ETV7: variants seen among roughly 807,000 people sequenced by gnomAD.
The protein encoded by ETV7 is transcription factor ETV7.
Under a neutral mutation model 39.1 loss-of-function variants are expected in ETV7, and 43 were observed. The observed-to-expected ratio is 1.10, with a 90% confidence interval of 0.86 to 1.42. The LOEUF (loss-of-function observed/expected upper bound fraction) is 1.42, where lower values mean the gene tolerates loss of function less well. ETV7 is among the 40% of genes most tolerant of loss of function. ETV7 has a pLI of 0.00. For missense variants in ETV7, 432 were observed against 442.3 expected (o/e 0.98, Z 0.21); for synonymous variants, 196 against 176.6 (o/e 1.11, Z -0.87).
chr6:36,365,877 C>T (rs1404565867), downstream of ETV7, among the ~76,000 whole-genome samples: 1 of 152,188 alleles, frequency 6.6e-6, no homozygotes, highest in Non-Finnish European at 1.5e-5. Context: ...ATAGCAAACA[C>T]TTAAGAAACA....
chr6:36,366,380 G>A lies in ETV7; in HGVS notation c.*265C>T. ...GGGGCTGGGTGCTCTATCGGTGCCTGGCTTCCTCTCCCAGGGGTGCAGTAG... is the reference window on the plus strand; with the variant it reads ...GGGGCTGGGTGCTCTATCGGTGCCTAGCTTCCTCTCCCAGGGGTGCAGTAG... On this transcript the variant is annotated 3_prime_UTR_variant, in exon 8 of 8. Coordinates refer to ENST00000340181, the MANE Select transcript of ETV7 (RefSeq NM_016135.4). 1 of 1,286,548 alleles carries A rather than the reference G, an allele frequency of 7.8e-7. No homozygotes were observed. Among genetic ancestry groups the A allele is most frequent in the Non-Finnish European group, 9.9e-7 (1 of 1,011,952 alleles). The allele number at this position is 1,286,548 out of a possible 1,614,324, so 79.7% of individuals were successfully genotyped here. A position where few individuals can be genotyped will look rare whatever the true frequency, so the allele number is the denominator to read the frequency against.
intron 6 of ETV7, among the ~76,000 whole-genome samples, chr6:36,367,732 G>A (rs1772803880): frequency 2.6e-5 from 4 of 151,322 alleles, no homozygotes; most frequent in Admixed American, 2.6e-4. Flanking sequence ...TGTGAGGTAG[G>A]GCCAAAGAGC....
At chr6:36,369,853 C>A (rs1240667853) in intron 5 of ETV7, among the ~76,000 whole-genome samples, 1 of 151,510 alleles carries the variant, frequency 6.6e-6, no homozygotes, top group Non-Finnish European at 1.5e-5. Context: ...CAGCAGTGAG[C>A]TATGGTGGCA....
chr6:36,365,887 A>G (rs1172186939), downstream of ETV7, among the ~76,000 whole-genome samples: 2 of 152,196 alleles, frequency 1.3e-5, no homozygotes, highest in African/African-American at 4.8e-5. Flanking sequence ...CTTAAGAAAC[A>G]TCGGCTGGAC....
chr6:36,385,247 G>C (rs909939953), intron 2 of ETV7, among the ~76,000 whole-genome samples: 2 of 152,116 alleles, frequency 1.3e-5, no homozygotes, highest in Non-Finnish European at 2.9e-5. Context: ...AGGCAGAGGC[G>C]AGAGGATAGC....
rs1017281785 is a variant in ETV7 at position 36,366,246 on chromosome 6, A to G, written c.*399T>C. The stretch of plus-strand genomic sequence containing the variant: ...GAGGCTGTCAGTGCCGCCTGGAAGC[A>G]CTAACACTTTTTCCCATTTCCTGCC... On this transcript the variant is annotated 3_prime_UTR_variant, in exon 8 of 8. Coordinates refer to ENST00000340181, the MANE Select transcript of ETV7 (RefSeq NM_016135.4). The G allele has an allele frequency of 7.7e-6, 8 of 1,042,456 alleles. No homozygotes were observed. Among genetic ancestry groups the G allele is most frequent in the Non-Finnish European group, 9.3e-6 (8 of 864,558 alleles). 64.6% of individuals were successfully genotyped at this position (1,042,456 alleles called of 1,614,324 possible). A position where few individuals can be genotyped will look rare whatever the true frequency, so the allele number is the denominator to read the frequency against.
chr6:36,360,411 G>A (rs1399537582), intron 7 of ETV7, among the ~76,000 whole-genome samples: 2 of 152,176 alleles, frequency 1.3e-5, no homozygotes, highest in African/African-American at 4.8e-5. Context: ...CTGTGGGTTA[G>A]GAGAGGAGGC....
rs2234071 is a variant in ETV7, at chr6:36,387,595, T to C, written c.-54A>G. ...TTTCTGTCTTGAGCGCTCCCCTGGC[T>C]GTGGCTGCTGGGGCCCTAGGCCCGC... On this transcript the variant is annotated 5_prime_UTR_variant, in exon 1 of 8. Coordinates refer to ENST00000340181, the MANE Select transcript of ETV7 (RefSeq NM_016135.4). The C allele has an allele frequency of 0.52, 840,083 of 1,609,180 alleles. 224,830 individuals carry two copies. Among genetic ancestry groups the C allele is most frequent in the Middle Eastern group, 0.58 (3,213 of 5,570 alleles).
At chr6:36,383,368 C>T (rs1210916558) in intron 2 of ETV7, among the ~76,000 whole-genome samples, 1 of 152,218 alleles carries the variant, frequency 6.6e-6, no homozygotes, top group East Asian at 1.9e-4. Flanking sequence ...GTGGACTTTC[C>T]ACTGCTTTAC....
intron 2 of ETV7, among the ~76,000 whole-genome samples, chr6:36,378,985 G>A (rs894286993): frequency 1.3e-5 from 2 of 152,196 alleles, no homozygotes; most frequent in Non-Finnish European, 2.9e-5. Flanking sequence ...CAGGGAAAAG[G>A]ATGCTTTGCT....
At chr6:36,375,806 G>C (rs1282121977) in intron 3 of ETV7, 65 bp downstream of exon 3, 1 of 1,609,808 alleles carries the variant, frequency 6.2e-7, no homozygotes, top group Admixed American at 1.7e-5. Context: ...GCCCCCCGGG[G>C]GTACTTGGGC....
chr6:36,355,215 G>C (rs187495557), intron 7 of ETV7, among the ~76,000 whole-genome samples: 1 of 152,216 alleles, frequency 6.6e-6, no homozygotes, highest in Non-Finnish European at 1.5e-5. Flanking sequence ...GGTAGCTGTG[G>C]GGTTTTCACA....
downstream of ETV7, chr6:36,366,049 C>T (rs1772701303): frequency 9.5e-6 from 3 of 316,694 alleles, 1 homozygote; most frequent in Non-Finnish European, 1.4e-5. Context: ...TGGTGGGCAG[C>T]TGTAATCCCA....
Position 36,387,641 on chromosome 6 carries a change from C to T in ETV7, c.-100G>A. The T allele has an allele frequency of 7.3e-7, 1 of 1,370,200 alleles. No individual in the cohort carries two copies. Among genetic ancestry groups the T allele is most frequent in the African/African-American group, 1.4e-5 (1 of 69,248 alleles). The allele number at this position is 1,370,200 out of a possible 1,614,324, so 84.9% of individuals were successfully genotyped here. On this transcript the variant is annotated 5_prime_UTR_variant, in exon 1 of 8. Coordinates refer to ENST00000340181, the MANE Select transcript of ETV7 (RefSeq NM_016135.4). Reference sequence around the variant, plus strand: ...CCCGCGCCCCGCAGTCCTCCTCCGCCAAACCCCTAACCTGGCTCCGAGAAC... The same window carrying T: ...CCCGCGCCCCGCAGTCCTCCTCCGCTAAACCCCTAACCTGGCTCCGAGAAC...
downstream of ETV7, among the ~76,000 whole-genome samples, chr6:36,361,831 A>G (rs1402210872): frequency 1.3e-5 from 2 of 152,248 alleles, no homozygotes; most frequent in African/African-American, 4.8e-5. Flanking sequence ...ATGCCTGGCC[A>G]CTTTTTCAAA....
At chr6:36,354,793 T>C in intron 7 of ETV7, 1 of 576,146 alleles carries the variant, frequency 1.7e-6, no homozygotes, top group Non-Finnish European at 3.1e-6. Flanking sequence ...ACATGTTATA[T>C]CTGTCCATTT....
chr6:36,387,240 G>A lies in ETV7; in HGVS notation c.6+296C>T, dbSNP rs529047389. ...CGAACTTCCAAAGACCTCACATCTG[G>A]TTGGTGTAGGGGCGACCAGTGGTAA... On this transcript the variant is annotated intron_variant, in intron 1 of 7. Coordinates refer to ENST00000340181, the MANE Select transcript of ETV7 (RefSeq NM_016135.4). 1.1e-3 allele frequency among the ~76,000 whole-genome samples: 175 copies of A among 152,314 alleles called. 1 individual carries two copies. Among genetic ancestry groups the A allele is most frequent in the Admixed American group, 2.7e-3 (42 of 15,302 alleles).
At chr6:36,372,755 G>C (rs1005199439) in intron 4 of ETV7, among the ~76,000 whole-genome samples, 10 of 141,820 alleles carry the variant, frequency 7.1e-5, no homozygotes, top group African/African-American at 2.4e-4. Flanking sequence ...TGGGGGTGTT[G>C]AGAGGCCTAC....
chr6:36,362,875 C>T (rs1361957431), downstream of ETV7, among the ~76,000 whole-genome samples: 1 of 152,218 alleles, frequency 6.6e-6, no homozygotes, highest in Non-Finnish European at 1.5e-5. Context: ...ATCAACCCAC[C>T]AGCAGGCAAA....
Sources: allele counts gnomAD v4.1 joint callset (sites outside exome capture counted in the v4.1 genomes callset), GRCh38; gene constraint gnomAD v4.1.1; transcripts MANE v1.5; gene names NCBI Gene and HGNC (gene_info 2026-07-23, HGNC 2026-07-21).